The following FGF12 variants were observed in gnomAD, a reference collection of about 807,000 sequenced individuals.
FGF12 encodes fibroblast growth factor 12.
In FGF12, 14 loss-of-function variants were observed where a neutral mutation model predicts 23.6. That is an observed-to-expected ratio of 0.59 (90% CI 0.39 to 0.93). The LOEUF (loss-of-function observed/expected upper bound fraction) is 0.93, where lower values mean the gene tolerates loss of function less well. Among genes scored for constraint, FGF12 ranks in the 40% least tolerant of loss-of-function variants. FGF12 has a pLI of 0.00. For missense variants in FGF12, 175 were observed against 217.8 expected, an observed-to-expected ratio of 0.80 and a Z score of 1.24; for synonymous variants, 62 against 77.3, an observed-to-expected ratio of 0.80 and a Z score of 1.04.
chr3:192,444,616 C>G (rs114308315), intron 2 of FGF12, among the ~76,000 whole-genome samples: 1 of 152,174 alleles, frequency 6.6e-6, no homozygotes, highest in Non-Finnish European at 1.5e-5. Flanking sequence ...CTGACAGGAT[C>G]TCCCCAGATT....
chr3:192,343,274 C>T (rs1560078050), intron 3 of FGF12, among the ~76,000 whole-genome samples: 1 of 152,146 alleles, frequency 6.6e-6, no homozygotes, highest in Non-Finnish European at 1.5e-5. Context: ...ATAATCTGTG[C>T]ATTTTCAATG....
chr3:192,577,325 T>C (rs1021188218), intron 2 of FGF12, among the ~76,000 whole-genome samples: 1 of 152,254 alleles, frequency 6.6e-6, no homozygotes, highest in African/African-American at 2.4e-5. Flanking sequence ...TGTGAGCATA[T>C]TGTCCTTAGT....
At chr3:192,620,986 C>A (rs1010500729) in intron 2 of FGF12, among the ~76,000 whole-genome samples, 7 of 152,150 alleles carry the variant, frequency 4.6e-5, no homozygotes, top group African/African-American at 1.7e-4. Context: ...CTCTAACATA[C>A]TACTTATATA....
Position 192,409,072 on chromosome 3 carries a change from G to A in FGF12, c.14-48534C>T, listed in dbSNP as rs1198222755. On this transcript the variant is annotated intron_variant, in intron 2 of 5. Coordinates refer to ENST00000445105, the MANE Select transcript of FGF12 (RefSeq NM_004113.6). The surrounding 1 kb of genome is among the most constrained non-coding windows in gnomAD (Gnocchi z 4.8). ...ACTGCAAAGAGAGCGGGAGGCGAGG[G>A]AGGGGGGAGGGCGCGAGGGAGGGAG... 3 of 803,190 alleles carry A rather than the reference G, an allele frequency of 3.7e-6. No individual in the cohort carries two copies. The highest frequency in any genetic ancestry group is 3.8e-5 in the African/African-American group (2 of 53,126). The allele number at this position is 803,190 out of a possible 1,614,324, so 49.8% of individuals were successfully genotyped here.
chr3:192,723,879 G>GAGA (rs1553849501), intron 2 of FGF12, among the ~76,000 whole-genome samples: 1 of 125,390 alleles, frequency 8.0e-6, no homozygotes, highest in East Asian at 3.0e-4. Context: ...GAGAGAGAGA[G>GAGA]GAGAGGAGAG....
intron 4 of FGF12, among the ~76,000 whole-genome samples, chr3:192,174,477 C>T (rs912140198): frequency 6.6e-6 from 1 of 152,162 alleles, no homozygotes; most frequent in African/African-American, 2.4e-5. Flanking sequence ...CTATTAATAC[C>T]TGACCAGGGC....
Position 192,525,729 on chromosome 3 carries a change from C to T in FGF12, c.14-165191G>A, listed in dbSNP as rs532807202. Among the ~76,000 whole-genome samples the T allele has an allele frequency of 7.2e-5, 11 of 152,264 alleles. 1 individual carries two copies. The South Asian group carries it at 2.1e-3, about 29-fold the overall frequency. On this transcript the variant is annotated intron_variant, in intron 2 of 5. Transcript: ENST00000445105. ...TGATTTGCTTGTCTTCTTTTATCTC[C>T]GTACATGAACTTAACTCCATCCATG...
At chr3:192,373,515 T>C (rs887286442) in intron 2 of FGF12, among the ~76,000 whole-genome samples, 7 of 152,216 alleles carry the variant, frequency 4.6e-5, no homozygotes, top group Non-Finnish European at 1.0e-4. Context: ...ATGAAGATTA[T>C]TAAAATTTCA....
intron 2 of FGF12, among the ~76,000 whole-genome samples, chr3:192,721,607 A>G (rs1719041636): frequency 1.3e-5 from 2 of 152,176 alleles, no homozygotes; most frequent in Non-Finnish European, 2.9e-5. Context: ...ACCAAACCTA[A>G]TAAGGTTGGT....
chr3:192,365,139 G>A (rs998373338), intron 2 of FGF12, among the ~76,000 whole-genome samples: 1 of 152,064 alleles, frequency 6.6e-6, no homozygotes, highest in Non-Finnish European at 1.5e-5. Context: ...AATGCTTGAG[G>A]TGAGAGATAA....
intron 2 of FGF12, among the ~76,000 whole-genome samples, chr3:192,441,396 T>A (rs1338801513): frequency 6.6e-6 from 1 of 152,142 alleles, no homozygotes; most frequent in Non-Finnish European, 1.5e-5. Context: ...CTAGCCCCAG[T>A]TCAGCCACTG....
intron 2 of FGF12, among the ~76,000 whole-genome samples, chr3:192,440,691 T>A (rs1312450769): frequency 6.6e-6 from 1 of 152,152 alleles, no homozygotes; most frequent in Non-Finnish European, 1.5e-5. Flanking sequence ...ATCTGCCACA[T>A]TTGAAAACCT....
intron 2 of FGF12, among the ~76,000 whole-genome samples, chr3:192,705,444 A>T (rs191003494): frequency 6.6e-6 from 1 of 152,212 alleles, no homozygotes; most frequent in African/African-American, 2.4e-5. Context: ...TGAGAAGTCA[A>T]TTATGTCTAC....
chr3:192,365,976 T>TAAAAAAAAAAA (rs5855421), intron 2 of FGF12, among the ~76,000 whole-genome samples: 1 of 130,788 alleles, frequency 7.6e-6, no homozygotes. Flanking sequence ...GCTTCAAAGG[T>TAAAAAAAAAAA]AAAAAAAAAA....
intron 2 of FGF12, among the ~76,000 whole-genome samples, chr3:192,428,108 T>G (rs542810921): frequency 1.3e-5 from 2 of 152,324 alleles, no homozygotes; most frequent in South Asian, 4.1e-4. Flanking sequence ...GCAACTTTCT[T>G]GTGGTCTCCT....
intron 2 of FGF12, among the ~76,000 whole-genome samples, chr3:192,682,846 G>T (rs1158192551): frequency 6.6e-6 from 1 of 152,142 alleles, no homozygotes; most frequent in African/African-American, 2.4e-5. Context: ...TCGTTCATGT[G>T]GCCAATGACT....
At chr3:192,273,170 T>C (rs1713556616) in intron 4 of FGF12, among the ~76,000 whole-genome samples, 1 of 152,178 alleles carries the variant, frequency 6.6e-6, no homozygotes, top group Admixed American at 6.5e-5. Flanking sequence ...CAAAAGCTAC[T>C]GAACCACTTA....
chr3:192,497,550 C>A (rs1482215475), intron 2 of FGF12, among the ~76,000 whole-genome samples: 1 of 152,190 alleles, frequency 6.6e-6, no homozygotes. Flanking sequence ...TGTAAGACAC[C>A]AAATAATCTC....
intron 2 of FGF12, among the ~76,000 whole-genome samples, chr3:192,418,747 C>G (rs1721432055): frequency 6.6e-6 from 1 of 152,148 alleles, no homozygotes; most frequent in Admixed American, 6.5e-5. Context: ...CTTGCTCCAG[C>G]CATGTAAGAT....
Sources: allele counts gnomAD v4.1 joint callset (sites outside exome capture counted in the v4.1 genomes callset), GRCh38; gene constraint gnomAD v4.1.1; non-coding constraint Gnocchi (gnomAD v3.1); transcripts MANE v1.5; gene names NCBI Gene and HGNC (gene_info 2026-07-23, HGNC 2026-07-21).